Variants in NKD1 observed in about 807,000 individuals in gnomAD.
The protein encoded by NKD1 is NKD inhibitor of Wnt signaling pathway 1.
NKD1 carries 21 observed loss-of-function variants against 56.0 expected under a neutral mutation model. That is an observed-to-expected ratio of 0.38 (90% CI 0.27 to 0.54). The LOEUF is 0.54. Among genes scored for constraint, NKD1 ranks in the 20% least tolerant of loss-of-function variants. The pLI is 0.82. For synonymous variants in NKD1, 263 were observed against 265.7 expected (o/e 0.99, Z 0.10); for missense variants, 578 against 642.7 (o/e 0.90, Z 1.09).
At chr16:50,589,792 C>T (rs1596724398) in intron 3 of NKD1, among the ~76,000 whole-genome samples, 2 of 115,212 alleles carry the variant, frequency 1.7e-5, no homozygotes, top group Admixed American at 1.0e-4. Flanking sequence ...CTCTCCTCTC[C>T]TCTCCTCTCC....
At chr16:50,599,385 ATTT>A (rs1279110887) in intron 3 of NKD1, among the ~76,000 whole-genome samples, 1 of 152,092 alleles carries the variant, frequency 6.6e-6, no homozygotes, top group Non-Finnish European at 1.5e-5. Context: ...AGGTAGACTC[ATTT>A]GTACAAAGTC....
At position 50,633,486 on chromosome 16, in the gene NKD1, C is replaced by T; in HGVS notation, c.1118C>T (p.Pro373Leu). 6.2e-7 allele frequency: 1 copy of T among 1,609,778 alleles called. No individual in the cohort carries two copies. Among genetic ancestry groups the T allele is most frequent in the Non-Finnish European group, 8.5e-7 (1 of 1,178,080 alleles). ...GCAAGAAACAAGCCCCCTCTGGGACCCGCCATCCCTGCGGTGTCCCCCTCC... is the reference window on the plus strand; with the variant it reads ...GCAAGAAACAAGCCCCCTCTGGGACTCGCCATCCCTGCGGTGTCCCCCTCC... ...RGARNKPPLGPAIPAVSPSAH... is the reference protein window; with the variant it reads ...RGARNKPPLGLAIPAVSPSAH... Residue 373 changes from proline to leucine, a missense_variant, in exon 10 of 10, where the codon CCC (proline) becomes CTC (leucine). Transcript: ENST00000268459. The surrounding 1 kb of genome is among the most constrained non-coding windows in gnomAD (Gnocchi z 4.9).
intron 2 of NKD1, 164 bp downstream of exon 2, chr16:50,548,913 C>G (rs1237351434): frequency 1.1e-6 from 1 of 885,884 alleles, no homozygotes; most frequent in Non-Finnish European, 1.4e-6. Flanking sequence ...CGCGCCCCCT[C>G]CTCTGTCCCT....
Position 50,598,359 on chromosome 16 carries a change from T to A in NKD1, c.193-9935T>A, listed in dbSNP as rs573898579. On this transcript the variant is annotated intron_variant, in intron 3 of 9. Coordinates refer to ENST00000268459, the MANE Select transcript of NKD1 (RefSeq NM_033119.5). The surrounding 1 kb of genome is among the most constrained non-coding windows in gnomAD (Gnocchi z 4.2). The stretch of plus-strand genomic sequence containing the variant: ...AGGCTCTTACTTCATCTGTTTCGTT[T>A]AGGTTCAGAAAAGCAAGAAGCTCAA... 2.1e-4 allele frequency among the ~76,000 whole-genome samples: 32 copies of A among 152,206 alleles called. 1 individual carries two copies. The South Asian group carries it at 5.4e-3, about 26-fold the overall frequency.
Position 50,548,709 on chromosome 16 carries a change from G to A in NKD1, c.26-8G>A. Reference sequence around the variant, plus strand: ...CGCCGCCGCCGCCGCCTCGCGATGTGCCTGCAGCCGCCGTGTGCAAGCGCA... The same window carrying A: ...CGCCGCCGCCGCCGCCTCGCGATGTACCTGCAGCCGCCGTGTGCAAGCGCA... On this transcript the variant is annotated splice_polypyrimidine_tract_variant and splice_region_variant and intron_variant, in intron 1 of 9. Coordinates refer to ENST00000268459, the MANE Select transcript of NKD1 (RefSeq NM_033119.5). 1.4e-6 allele frequency: 2 copies of A among 1,460,128 alleles called. No homozygotes were observed. The highest frequency in any genetic ancestry group is 1.3e-5 in the South Asian group (1 of 75,566). 90.4% of individuals were successfully genotyped at this position (1,460,128 alleles called of 1,614,324 possible).
chr16:50,572,773 C>G (rs140039473), intron 3 of NKD1: 2 of 523,266 alleles, frequency 3.8e-6, no homozygotes, highest in Non-Finnish European at 4.9e-6. Context: ...TTGAGCTTGT[C>G]CCTGAGTCCG....
At chr16:50,581,139 G>A (rs903918204) in intron 3 of NKD1, among the ~76,000 whole-genome samples, 19 of 152,102 alleles carry the variant, frequency 1.2e-4, no homozygotes, top group Admixed American at 1.0e-3. Flanking sequence ...TGGGGCTTGC[G>A]GTATCTGCCC....
chr16:50,602,448 GTTAC>G (rs1961617481), intron 3 of NKD1, among the ~76,000 whole-genome samples: 1 of 152,180 alleles, frequency 6.6e-6, no homozygotes, highest in Non-Finnish European at 1.5e-5. Flanking sequence ...CCTTGGACTT[GTTAC>G]TTAATCTCCC....
chr16:50,575,414 A>G, intron 3 of NKD1: 1 of 897,574 alleles, frequency 1.1e-6, no homozygotes, highest in Non-Finnish European at 1.3e-6. Context: ...GAGAAAGAAC[A>G]AATGGGGTTG....
intron 3 of NKD1, among the ~76,000 whole-genome samples, chr16:50,585,425 C>T (rs1431905464): frequency 3.3e-5 from 5 of 152,188 alleles, no homozygotes; most frequent in South Asian, 2.1e-4. Flanking sequence ...CCAAGGAATT[C>T]GGGGCCTGAG....
At chr16:50,576,399 T>A (rs1404736195) in intron 3 of NKD1, among the ~76,000 whole-genome samples, 2 of 152,262 alleles carry the variant, frequency 1.3e-5, no homozygotes, top group African/African-American at 4.8e-5. Context: ...GGTTTAAATA[T>A]TGATAATGAA....
Position 50,633,217 on chromosome 16 carries a change from A to G in NKD1, c.849A>G (p.Ser283=). 1 of 1,609,960 alleles carries G rather than the reference A, an allele frequency of 6.2e-7. No individual in the cohort carries two copies. Among genetic ancestry groups the G allele is most frequent in the Non-Finnish European group, 8.5e-7 (1 of 1,177,434 alleles). ...GPGSPSVAQK[S]ELPPRTSNPT... is the part of the protein sequence containing the mutation. ...GCTCCCCTTCCGTGGCCCAGAAGTC[A>G]GAACTGCCCCCCCGCACCTCCAATC... Residue 283 remains serine, a synonymous_variant, in exon 10 of 10, where the codon TCA becomes TCG. Coordinates refer to ENST00000268459, the MANE Select transcript of NKD1 (RefSeq NM_033119.5). This position sits in a 1 kb window ranked among gnomAD's most constrained non-coding sequence, Gnocchi z 4.9.
At chr16:50,574,754 T>C (rs1960956992) in intron 3 of NKD1, 2 of 985,400 alleles carry the variant, frequency 2.0e-6, no homozygotes, top group East Asian at 2.3e-4. Flanking sequence ...AGCAAATGGC[T>C]CCCTCTCCCT....
At chr16:50,579,303 C>T (rs1480226510) in intron 3 of NKD1, among the ~76,000 whole-genome samples, 8 of 147,272 alleles carry the variant, frequency 5.4e-5, no homozygotes, top group African/African-American at 1.8e-4. Context: ...CTTACTCCTG[C>T]GGGCTACCCG....
At chr16:50,615,779 T>C (rs543511114) in intron 4 of NKD1, among the ~76,000 whole-genome samples, 1 of 152,184 alleles carries the variant, frequency 6.6e-6, no homozygotes, top group African/African-American at 2.4e-5. Flanking sequence ...CTGCACAGTG[T>C]TAAGAGGACT....
Position 50,648,727 on chromosome 16 carries a change from A to G in NKD1, c.*14946A>G, listed in dbSNP as rs1045605841. Reference sequence around the variant, plus strand: ...AAATTTTGTGACTAAACTCTAGTCAACAGTAAGTGTCATGTAGCAGCTCCT... The same window carrying G: ...AAATTTTGTGACTAAACTCTAGTCAGCAGTAAGTGTCATGTAGCAGCTCCT... On this transcript the variant is annotated 3_prime_UTR_variant, in exon 10 of 10. Coordinates refer to ENST00000268459, the MANE Select transcript of NKD1 (RefSeq NM_033119.5). 4 of 152,252 alleles carry G rather than the reference A, an allele frequency of 2.6e-5. No homozygotes were observed. Among genetic ancestry groups the G allele is most frequent in the Non-Finnish European group, 4.4e-5 (3 of 68,042 alleles). The allele number at this position is 152,252 out of a possible 1,614,324, so 9.4% of individuals were successfully genotyped here.
intron 3 of NKD1, among the ~76,000 whole-genome samples, chr16:50,581,053 AT>A (rs1191333083): frequency 6.6e-6 from 1 of 152,154 alleles, no homozygotes; most frequent in East Asian, 1.9e-4. Context: ...GTGTTTCCAT[AT>A]GCCTTTTATG....
intron 2 of NKD1, chr16:50,548,978 C>T (rs962256318): frequency 4.2e-6 from 4 of 960,908 alleles, no homozygotes; most frequent in South Asian, 4.8e-5. Flanking sequence ...ACCCCTCCCC[C>T]TCCCGCGTCC....
At chr16:50,612,177 A>G (rs1039085986) in intron 4 of NKD1, among the ~76,000 whole-genome samples, 5 of 152,164 alleles carry the variant, frequency 3.3e-5, no homozygotes, top group African/African-American at 1.2e-4. Flanking sequence ...CCTCTGCCTC[A>G]CTGAAAGCAG....
Sources: allele counts gnomAD v4.1 joint callset (sites outside exome capture counted in the v4.1 genomes callset), GRCh38; gene constraint gnomAD v4.1.1; non-coding constraint Gnocchi (gnomAD v3.1); transcripts MANE v1.5; gene names NCBI Gene and HGNC (gene_info 2026-07-23, HGNC 2026-07-21).